The following ABTB3 variants were observed in gnomAD, a reference collection of about 807,000 sequenced individuals.
ABTB3 encodes the protein ankyrin repeat and BTB domain containing 3.
the ABTB3 span, among the ~76,000 whole-genome samples, chr12:107,491,945 G>A: frequency 2.6e-5 from 4 of 152,240 alleles, no homozygotes; most frequent in East Asian, 1.9e-4. Context: ...AGAGAAAGAG[G>A]TTTAGTCAGA....
chr12:107,384,735 C>T, the ABTB3 span, among the ~76,000 whole-genome samples: 5 of 152,150 alleles, frequency 3.3e-5, no homozygotes, highest in Non-Finnish European at 5.9e-5. Flanking sequence ...GCCCCAGGAG[C>T]GGGTGTGACC....
the ABTB3 span, chr12:107,642,086 T>C: frequency 2.5e-6 from 4 of 1,613,300 alleles, no homozygotes; most frequent in African/African-American, 5.3e-5. Flanking sequence ...ATGTCCTTGT[T>C]CAGGTTCAAA....
chr12:107,647,706 A>T, the ABTB3 span, among the ~76,000 whole-genome samples: 1 of 152,312 alleles, frequency 6.6e-6, no homozygotes, highest in South Asian at 2.1e-4. Flanking sequence ...TTTGCAGAGG[A>T]CTTGCTATGT....
the ABTB3 span, among the ~76,000 whole-genome samples, chr12:107,485,984 A>G: frequency 6.6e-6 from 1 of 152,242 alleles, no homozygotes; most frequent in Non-Finnish European, 1.5e-5. Context: ...GGAGAGCTGT[A>G]CAGATAAAGA....
the ABTB3 span, among the ~76,000 whole-genome samples, chr12:107,569,725 C>T: frequency 6.6e-6 from 1 of 152,168 alleles, no homozygotes; most frequent in South Asian, 2.1e-4. Context: ...TTAGATTCAG[C>T]CACCAGTGTC....
the ABTB3 span, among the ~76,000 whole-genome samples, chr12:107,644,346 C>T: frequency 1.3e-5 from 2 of 152,250 alleles, no homozygotes; most frequent in East Asian, 1.9e-4. Context: ...ATTCCCAATG[C>T]CCAGGCTATA....
At chr12:107,608,912 TA>T in the ABTB3 span, among the ~76,000 whole-genome samples, 2,778 of 75,244 alleles carry the variant, frequency 0.037, 110 homozygotes, top group Non-Finnish European at 0.045. Context: ...TAAAATAAAA[TA>T]AAATAAAATA....
At chr12:107,538,292 T>C in the ABTB3 span, among the ~76,000 whole-genome samples, 1 of 152,232 alleles carries the variant, frequency 6.6e-6, no homozygotes, top group Admixed American at 6.5e-5. Context: ...AATTTCAGTC[T>C]TATTAGTTCT....
chr12:107,538,258 A>G, the ABTB3 span, among the ~76,000 whole-genome samples: 4 of 152,232 alleles, frequency 2.6e-5, no homozygotes, highest in Non-Finnish European at 4.4e-5. Flanking sequence ...CTTCCAGGCC[A>G]GTTATTGGAC....
At chr12:107,522,577 C>T in the ABTB3 span, among the ~76,000 whole-genome samples, 1 of 150,186 alleles carries the variant, frequency 6.7e-6, no homozygotes, top group Non-Finnish European at 1.5e-5. Context: ...AATTGTCTCT[C>T]TCTCTCTCTC....
At chr12:107,589,054 C>T in the ABTB3 span, among the ~76,000 whole-genome samples, 1 of 152,202 alleles carries the variant, frequency 6.6e-6, no homozygotes, top group African/African-American at 2.4e-5. Flanking sequence ...CCTCTCTGGG[C>T]CTCAATTTAT....
the ABTB3 span, among the ~76,000 whole-genome samples, chr12:107,352,703 C>A: frequency 6.6e-6 from 1 of 152,044 alleles, no homozygotes; most frequent in Non-Finnish European, 1.5e-5. Flanking sequence ...GTGATCATAT[C>A]TGTGTTTTTC....
the ABTB3 span, among the ~76,000 whole-genome samples, chr12:107,387,135 G>A: frequency 0.016 from 2,464 of 151,830 alleles, 37 homozygotes; most frequent in Non-Finnish European, 0.022. Flanking sequence ...CTGCCACCAC[G>A]CCCAGCTAAT....
At chr12:107,386,384 C>T in the ABTB3 span, among the ~76,000 whole-genome samples, 1 of 152,202 alleles carries the variant, frequency 6.6e-6, no homozygotes, top group Admixed American at 6.5e-5. Context: ...GCTGTCTTGT[C>T]TGTAGCTGTA....
At chr12:107,320,876 A>C in the ABTB3 span, among the ~76,000 whole-genome samples, 1 of 149,492 alleles carries the variant, frequency 6.7e-6, no homozygotes, top group African/African-American at 2.5e-5. Context: ...GCAGTTCTGG[A>C]GGGGGTTGTT....
the ABTB3 span, among the ~76,000 whole-genome samples, chr12:107,482,467 A>G: frequency 1.6e-4 from 25 of 152,088 alleles, no homozygotes; most frequent in Admixed American, 2.6e-4. Flanking sequence ...AGGGAATAGG[A>G]GCAGGTGACT....
chr12:107,590,856 T>C, the ABTB3 span, among the ~76,000 whole-genome samples: 1 of 152,172 alleles, frequency 6.6e-6, no homozygotes, highest in Non-Finnish European at 1.5e-5. Flanking sequence ...ATTGATTTAT[T>C]TTTGGCCCAC....
chr12:107,503,772 A>G, the ABTB3 span, among the ~76,000 whole-genome samples: 39 of 148,188 alleles, frequency 2.6e-4, no homozygotes, highest in South Asian at 1.1e-3. Flanking sequence ...AAAAAAAAAA[A>G]AAGAAGAAGA....
chr12:107,323,823 C>G, the ABTB3 span, among the ~76,000 whole-genome samples: 1 of 152,162 alleles, frequency 6.6e-6, no homozygotes, highest in African/African-American at 2.4e-5. Flanking sequence ...TCACTCAGCA[C>G]AGTGCCTGGC....
Sources: allele counts gnomAD v4.1 joint callset (sites outside exome capture counted in the v4.1 genomes callset), GRCh38; gene constraint gnomAD v4.1.1; transcripts MANE v1.5; gene names NCBI Gene and HGNC (gene_info 2026-07-23, HGNC 2026-07-21).